Variants in TFB2M observed in about 807,000 individuals in gnomAD.
The protein encoded by TFB2M is transcription factor B2, mitochondrial, also known as dimethyladenosine transferase 2, mitochondrial.
TFB2M carries 44 observed loss-of-function variants against 41.3 expected under a neutral mutation model. The observed-to-expected ratio is 1.07, with a 90% CI of 0.84 to 1.37. The LOEUF is 1.37. TFB2M is among the 40% of genes most tolerant of loss of function. The pLI is 0.00. For synonymous variants in TFB2M, 188 were observed against 176.8 expected (o/e 1.06, Z -0.50); for missense variants, 496 against 490.2 (o/e 1.01, Z -0.11).
intron 6 of TFB2M, among the ~76,000 whole-genome samples, chr1:246,546,983 ATTTTT>A (rs74163461): frequency 1.6e-5 from 2 of 127,180 alleles, no homozygotes; most frequent in Admixed American, 8.1e-5. Context: ...ACACACACAC[ATTTTT>A]TTTTTTTTTT....
At chr1:246,552,147 C>T (rs572740274) in intron 4 of TFB2M, among the ~76,000 whole-genome samples, 1 of 152,202 alleles carries the variant, frequency 6.6e-6, no homozygotes, top group Non-Finnish European at 1.5e-5. Flanking sequence ...CAGTGGTGTG[C>T]ACATGTAGTC....
intron 5 of TFB2M, among the ~76,000 whole-genome samples, chr1:246,551,008 T>A (rs1400225158): frequency 1.3e-5 from 2 of 152,034 alleles, no homozygotes; most frequent in Non-Finnish European, 2.9e-5. Flanking sequence ...TGGGCAATAT[T>A]CTTAAACATT....
intron 5 of TFB2M, among the ~76,000 whole-genome samples, chr1:246,550,893 A>G (rs1659159783): frequency 1.3e-5 from 2 of 152,152 alleles, no homozygotes; most frequent in South Asian, 4.1e-4. Flanking sequence ...CAAAAAATAA[A>G]AAAATAAAAA....
chr1:246,557,457 TCCA>T lies in TFB2M; in HGVS notation c.477_479del (p.Gly160del). ...AAGACATAGCAGGTGGTTTTATTAC[TCCA>T]CCACTTCTAGGATCTAGTTTAAAGA... On this transcript the variant is annotated inframe_deletion, in exon 3 of 8. Transcript: ENST00000366514. The T allele has an allele frequency of 2.5e-6, 4 of 1,613,548 alleles. No individual in the cohort carries two copies. The highest frequency in any genetic ancestry group is 3.4e-6 in the Non-Finnish European group (4 of 1,179,616).
chr1:246,558,386 A>G (rs908672451), intron 2 of TFB2M, among the ~76,000 whole-genome samples: 5 of 151,976 alleles, frequency 3.3e-5, no homozygotes, highest in African/African-American at 1.2e-4. Flanking sequence ...AGCTCAAGAG[A>G]TCTGCCCACC....
chr1:246,551,159 A>G, intron 5 of TFB2M, 54 bp downstream of exon 5: 1 of 1,400,558 alleles, frequency 7.1e-7, no homozygotes, highest in African/African-American at 1.4e-5. Context: ...TGGGCAACAT[A>G]ATGAGACCCT....
At chr1:246,564,681 CTT>C (rs552531866) in intron 1 of TFB2M, among the ~76,000 whole-genome samples, 22 of 141,046 alleles carry the variant, frequency 1.6e-4, no homozygotes, top group African/African-American at 1.8e-4. Context: ...AACCTGCACT[CTT>C]TTTTTTTTTT....
At chr1:246,551,623 A>G (rs1659186300) in intron 4 of TFB2M, among the ~76,000 whole-genome samples, 1 of 103,898 alleles carries the variant, frequency 9.6e-6, no homozygotes, top group African/African-American at 3.7e-5. Context: ...TTGGGAGGCC[A>G]AGGTGGGAGG....
chr1:246,558,744 C>T (rs1048040602), intron 2 of TFB2M, among the ~76,000 whole-genome samples: 2 of 152,178 alleles, frequency 1.3e-5, no homozygotes, highest in African/African-American at 4.8e-5. Flanking sequence ...AGCTCATCTC[C>T]ATAATTTTCA....
chr1:246,557,254 C>G, intron 3 of TFB2M, 127 bp downstream of exon 3: 1 of 1,078,054 alleles, frequency 9.3e-7, no homozygotes, highest in Non-Finnish European at 1.3e-6. Context: ...GCCTGGGTGA[C>G]AGAGTGAGAC....
At chr1:246,549,366 G>T (rs188287380) in intron 5 of TFB2M, among the ~76,000 whole-genome samples, 18 of 152,210 alleles carry the variant, frequency 1.2e-4, no homozygotes, top group Admixed American at 1.2e-3. Context: ...AGGACCGCTT[G>T]AGCTCAGGGG....
chr1:246,550,086 C>T (rs1160231639), intron 5 of TFB2M, among the ~76,000 whole-genome samples: 3 of 152,162 alleles, frequency 2.0e-5, no homozygotes, highest in Admixed American at 2.0e-4. Flanking sequence ...AAACCTAACA[C>T]GGGACCTTTG....
intron 2 of TFB2M, among the ~76,000 whole-genome samples, chr1:246,562,379 A>C (rs565761182): frequency 6.6e-6 from 1 of 152,246 alleles, no homozygotes; most frequent in Non-Finnish European, 1.5e-5. Context: ...AAGAAGCACA[A>C]TCACTGAAAA....
intron 4 of TFB2M, among the ~76,000 whole-genome samples, chr1:246,553,486 G>A (rs1004359249): frequency 1.3e-5 from 2 of 152,120 alleles, no homozygotes; most frequent in Non-Finnish European, 2.9e-5. Flanking sequence ...CCTGAGCAAC[G>A]TGGTAAAACC....
At position 246,560,746 on chromosome 1, in the gene TFB2M, G is replaced by GA. The variant is rs149775357; in HGVS notation, c.403-3213dup. 3.3e-3 allele frequency among the ~76,000 whole-genome samples: 505 copies of GA among 152,178 alleles called. 4 individuals carry two copies. Among genetic ancestry groups the GA allele is most frequent in the African/African-American group, 0.012 (482 of 41,522 alleles). On this transcript the variant is annotated intron_variant, in intron 2 of 7. Transcript: ENST00000366514. ...GCATTAGGATTCAAAAACAGAATGGGAAAAAACAGAGAAAAGGCAAGTAAC... is the reference window on the plus strand; with the variant it reads ...GCATTAGGATTCAAAAACAGAATGGGAAAAAAACAGAGAAAAGGCAAGTAAC...
chr1:246,551,249 G>A lies in TFB2M; in HGVS notation c.759C>T (p.Ile253=). 6.2e-7 allele frequency: 1 copy of A among 1,613,948 alleles called. No homozygotes were observed. The highest frequency in any genetic ancestry group is 1.1e-5 in the South Asian group (1 of 91,076). The change falls in exon 5 of 8, where the codon ATC becomes ATT. Residue 253 remains isoleucine (I), a synonymous_variant. Transcript: ENST00000366514. ...NPDLYHVLSV[I]WQLACEIKVL... ...CCTTAATCTCACAAGCTAATTGCCA[G>A]ATAACACTTAATACATGATACAAGT...
Position 246,566,231 on chromosome 1 carries a change from G to C in TFB2M, c.-93C>G, listed in dbSNP as rs1349548195. On this transcript the variant is annotated 5_prime_UTR_variant, in exon 1 of 8. Coordinates refer to ENST00000366514, the MANE Select transcript of TFB2M (RefSeq NM_022366.3). ...TATCCCACGTGGAACATTTTCTGGC[G>C]TCCGGGCCAGGTCAAGCGGAAGTAA... 1.8e-5 allele frequency: 24 copies of C among 1,325,966 alleles called. No homozygotes were observed. The highest frequency in any genetic ancestry group is 2.3e-5 in the Non-Finnish European group (22 of 967,892). The allele number at this position is 1,325,966 out of a possible 1,614,324, so 82.1% of individuals were successfully genotyped here.
intron 4 of TFB2M, among the ~76,000 whole-genome samples, chr1:246,556,139 GC>G (rs1437021506): frequency 5.9e-5 from 9 of 152,106 alleles, no homozygotes; most frequent in Non-Finnish European, 1.3e-4. Context: ...TCTGACACAT[GC>G]TATAACATTG....
Position 246,541,090 on chromosome 1 carries a change from C to G in TFB2M, c.1132G>C (p.Glu378Gln), listed in dbSNP as rs1431505652. Residue 378 changes from glutamate to glutamine, a missense_variant, in exon 8 of 8, where the codon GAG becomes CAG. Coordinates refer to ENST00000366514, the MANE Select transcript of TFB2M (RefSeq NM_022366.3). Reference sequence around the variant, plus strand: ...TTATAAGCACAATCTTTGGAACGCTCTATAGTTTCAAAAAGTGTTTTGAAG... The same window carrying G: ...TTATAAGCACAATCTTTGGAACGCTGTATAGTTTCAAAAAGTGTTTTGAAG... The part of the protein sequence containing the change: ...QDFKTLFETI[E>Q]RSKDCAYKWL... 2 of 1,614,096 alleles carry G rather than the reference C, an allele frequency of 1.2e-6. No homozygotes were observed. The highest frequency in any genetic ancestry group is 1.1e-5 in the South Asian group (1 of 91,068).
Sources: gnomAD v4.1 joint callset for allele counts (sites outside exome capture counted in the v4.1 genomes callset) on GRCh38, gnomAD v4.1.1 for gene constraint, MANE v1.5 for transcripts, NCBI Gene and HGNC (gene_info 2026-07-23, HGNC 2026-07-21) for gene names.